Variants in LGALS9B observed in about 807,000 individuals in gnomAD.
LGALS9B encodes galectin 9B, also known as galectin-9B.
A neutral mutation model predicts 35.9 loss-of-function variants in LGALS9B; 8 were observed. The ratio of observed to expected loss-of-function variants is 0.22; its 90% CI spans 0.13 to 0.40. The LOEUF (loss-of-function observed/expected upper bound fraction) is 0.40. Among genes scored for constraint, LGALS9B ranks in the 10% least tolerant of loss-of-function variants. The pLI, the probability that LGALS9B is intolerant of heterozygous loss-of-function variation, is 1.00. For synonymous variants in LGALS9B, 42 were observed against 148.6 expected (o/e 0.28, Z 5.22); for missense variants, 101 against 397.9 (o/e 0.25, Z 6.35).
At chr17:20,451,091 A>G (rs1335850866) in intron 10 of LGALS9B, among the ~76,000 whole-genome samples, 5 of 150,750 alleles carry the variant, frequency 3.3e-5, no homozygotes, top group African/African-American at 4.8e-5. Flanking sequence ...GAAGGACCCT[A>G]TGTGTCTGCT....
Position 20,458,277 on chromosome 17 carries a change from C to T in LGALS9B, c.239G>A (p.Gly80Glu). ...CTTCCTCTCCTCGGGCCCCCATCTTCCTTTCTGCCTCGTGTTGCACACCAC... is the reference window on the plus strand; with the variant it reads ...CTTCCTCTCCTCGGGCCCCCATCTTTCTTTCTGCCTCGTGTTGCACACCAC... The part of the protein sequence containing the change: ...GYVVCNTRQK[G>E]RWGPEERKMH... The change falls in exon 3 of 11, where the codon GGA (glycine) becomes GAA (glutamate). Residue 80 changes from glycine to glutamate, a missense_variant. By Grantham distance (98) the Gly-to-Glu change is moderately conservative (BLOSUM62 -2). Coordinates refer to ENST00000423676, the MANE Select transcript of LGALS9B (RefSeq NM_001367292.2). 7 of 1,614,016 alleles carry T rather than the reference C, an allele frequency of 4.3e-6. No individual in the cohort carries two copies. The highest frequency in any genetic ancestry group is 2.2e-5 in the East Asian group (1 of 44,880).
At chr17:20,464,119 A>G in intron 1 of LGALS9B, among the ~76,000 whole-genome samples, 1 of 115,608 alleles carries the variant, frequency 8.6e-6, no homozygotes, top group Non-Finnish European at 1.7e-5. Flanking sequence ...TTTTTTTGAG[A>G]CAGGATCTCA....
intron 1 of LGALS9B, among the ~76,000 whole-genome samples, chr17:20,460,990 C>T (rs1156535154): frequency 1.3e-5 from 1 of 77,380 alleles, no homozygotes; most frequent in Admixed American, 1.3e-4. Flanking sequence ...TCCCCACCAC[C>T]ACCATATAAC....
At position 20,456,539 on chromosome 17, in the gene LGALS9B, G is replaced by A. The variant is rs1447010751; in HGVS notation, c.444+22C>T. On this transcript the variant is annotated intron_variant, in intron 4 of 10. Coordinates refer to ENST00000423676, the MANE Select transcript of LGALS9B (RefSeq NM_001367292.2). ...GCCCTGCATCCCAGCCCCTGGGACC[G>A]GTGCCAGGTGGACAGTCTGACCTGG... 5.2e-6 allele frequency: 4 copies of A among 768,932 alleles called. 1 individual carries two copies. The highest frequency in any genetic ancestry group is 8.0e-5 in the Admixed American group (2 of 25,102). 47.6% of individuals were successfully genotyped at this position (768,932 alleles called of 1,614,324 possible).
chr17:20,460,259 ATGT>A lies in LGALS9B; in HGVS notation c.131+90_131+92del, dbSNP rs1180613776. On this transcript the variant is annotated intron_variant, in intron 2 of 10. Coordinates refer to ENST00000423676, the MANE Select transcript of LGALS9B (RefSeq NM_001367292.2). ...CCCTGCGCCAGGCACGTGAGCTTGG[ATGT>A]TGTTGTTTGAACTAACCGAGGCTCA... 2.0e-5 allele frequency: 32 copies of A among 1,606,294 alleles called. 1 individual carries two copies. The highest frequency in any genetic ancestry group is 1.7e-4 in the Middle Eastern group (1 of 6,020).
At chr17:20,455,630 A>G (rs1318991238) in intron 4 of LGALS9B, among the ~76,000 whole-genome samples, 8 of 140,896 alleles carry the variant, frequency 5.7e-5, no homozygotes, top group Non-Finnish European at 1.3e-4. Context: ...GGAGAGAGTC[A>G]GGGAAGGAGG....
intron 4 of LGALS9B, 108 bp from the exon 5 acceptor site, chr17:20,455,506 A>AT: frequency 9.3e-7 from 1 of 1,075,562 alleles, no homozygotes; most frequent in Non-Finnish European, 1.3e-6. Context: ...AGGCAGGGGG[A>AT]TGCAGCAAGG....
At chr17:20,453,341 T>TGGGGCATGGTCTTCCGTGGC (rs1206375678) in intron 6 of LGALS9B, 7 of 417,846 alleles carry the variant, frequency 1.7e-5, no homozygotes, top group Non-Finnish European at 3.3e-5. Flanking sequence ...GAAGTGAACG[T>TGGGGCATGGTCTTCCGTGGC]GGGGCATGGT....
At chr17:20,454,399 C>T (rs1021623826) in intron 5 of LGALS9B, among the ~76,000 whole-genome samples, 2 of 150,768 alleles carry the variant, frequency 1.3e-5, no homozygotes, top group Non-Finnish European at 3.0e-5. Flanking sequence ...CTTGCCCTGG[C>T]TGGTATCCCA....
rs376428526 is a variant in LGALS9B, at chr17:20,458,323, G to A, written c.193C>T (p.Arg65Trp). The A allele has an allele frequency of 2.0e-5, 33 of 1,613,322 alleles. No individual in the cohort carries two copies. Among genetic ancestry groups the A allele is most frequent in the East Asian group, 8.9e-5 (4 of 44,830 alleles). ...ACCACATACCCTCCGTCTTCAAACC[G>A]AGGGTTGAAGTGGAAGGCAATGTCG... ...GNDIAFHFNP[R>W]FEDGGYVVCN... The change falls in exon 3 of 11, where the codon CGG becomes TGG. Residue 65 changes from arginine to tryptophan, a missense_variant. Arg to Trp is a moderately radical substitution (Grantham distance 101). Coordinates refer to ENST00000423676, the MANE Select transcript of LGALS9B (RefSeq NM_001367292.2).
chr17:20,460,421 A>G lies in LGALS9B; in HGVS notation c.62T>C (p.Ile21Thr), dbSNP rs372111895. Residue 21 changes from isoleucine to threonine, a missense_variant, in exon 2 of 11, where the codon ATC becomes ACC. Physicochemically the swap from Ile to Thr is moderately conservative, Grantham distance 89 (BLOSUM62 -1). Transcript: ENST00000423676. Reference sequence around the variant, plus strand: ...AAATCCGTCCTGGAGACCCCCTTGGATAGTCCCAGAAAAGGGGACGGCCTG... The same window carrying G: ...AAATCCGTCCTGGAGACCCCCTTGGGTAGTCCCAGAAAAGGGGACGGCCTG... ...LSPAVPFSGT[I>T]QGGLQDGFQI... The G allele has an allele frequency of 3.2e-5, 52 of 1,603,454 alleles. No individual in the cohort carries two copies. The highest frequency in any genetic ancestry group is 4.1e-5 in the Non-Finnish European group (48 of 1,174,072).
intron 1 of LGALS9B, among the ~76,000 whole-genome samples, chr17:20,464,786 G>T (rs986901359): frequency 6.6e-6 from 1 of 151,850 alleles, no homozygotes; most frequent in Admixed American, 6.6e-5. Flanking sequence ...ACCTGCCTGT[G>T]CCCCACTTCC....
chr17:20,449,753 G>A lies in LGALS9B; in HGVS notation c.*220C>T, dbSNP rs1260415934. The A allele has an allele frequency of 2.6e-5, 9 of 346,438 alleles. 2 individuals carry two copies. Among genetic ancestry groups the A allele is most frequent in the South Asian group, 1.3e-4 (5 of 39,948 alleles). The allele number at this position is 346,438 out of a possible 1,614,324, so 21.5% of individuals were successfully genotyped here. On this transcript the variant is annotated 3_prime_UTR_variant, in exon 11 of 11. Transcript: ENST00000423676. ...GGATTGTAGGATTCCAGCAGCTGGCGCCCCAGGTGCTGCTGCGGCTGAGGA... is the reference window on the plus strand; with the variant it reads ...GGATTGTAGGATTCCAGCAGCTGGCACCCCAGGTGCTGCTGCGGCTGAGGA...
At position 20,466,564 on chromosome 17, in the gene LGALS9B, A is replaced by T. The variant is rs371365686; in HGVS notation, c.39+868T>A. 2.5e-3 allele frequency among the ~76,000 whole-genome samples: 369 copies of T among 145,480 alleles called. 1 individual carries two copies. Among genetic ancestry groups the T allele is most frequent in the African/African-American group, 9.4e-3 (356 of 37,976 alleles). On this transcript the variant is annotated intron_variant, in intron 1 of 10. Coordinates refer to ENST00000423676, the MANE Select transcript of LGALS9B (RefSeq NM_001367292.2). ...ATCCTGTGACAGGACCCAGCCCAGG[A>T]CACAGTCACCCCTGAAGGCTCCTGG...
Position 20,449,940 on chromosome 17 carries a change from C to A in LGALS9B, c.*33G>T, listed in dbSNP as rs771831714. ...ATGAGAGGACCCCGACTGCCCCACACCCCAGCCCCCGGCCCCAGGGCCAGG... is the reference window on the plus strand; with the variant it reads ...ATGAGAGGACCCCGACTGCCCCACAACCCAGCCCCCGGCCCCAGGGCCAGG... On this transcript the variant is annotated 3_prime_UTR_variant, in exon 11 of 11. Transcript: ENST00000423676. 1.8e-6 allele frequency: 2 copies of A among 1,131,814 alleles called. 1 individual carries two copies. Among genetic ancestry groups the A allele is most frequent in the Non-Finnish European group, 2.5e-6 (2 of 788,144 alleles). The allele number at this position is 1,131,814 out of a possible 1,614,324, so 70.1% of individuals were successfully genotyped here. A position where few individuals can be genotyped will look rare whatever the true frequency, so the allele number is the denominator to read the frequency against.
At chr17:20,461,415 C>T (rs1383028711) in intron 1 of LGALS9B, among the ~76,000 whole-genome samples, 1 of 152,124 alleles carries the variant, frequency 6.6e-6, no homozygotes, top group Non-Finnish European at 1.5e-5. Context: ...ACCTTGGTCT[C>T]TCTGAGCAAA....
At chr17:20,459,011 G>A (rs1249736539) in intron 2 of LGALS9B, among the ~76,000 whole-genome samples, 2 of 152,002 alleles carry the variant, frequency 1.3e-5, no homozygotes, top group Non-Finnish European at 2.9e-5. Flanking sequence ...CAGCTGCTCT[G>A]GGGGATGAGA....
chr17:20,461,265 C>T (rs1294559103), intron 1 of LGALS9B, among the ~76,000 whole-genome samples: 2 of 150,440 alleles, frequency 1.3e-5, no homozygotes, highest in African/African-American at 4.9e-5. Flanking sequence ...GCCTATTTCA[C>T]CTCTCTTTGC....
At chr17:20,460,295 A>G (rs2042717223) in intron 2 of LGALS9B, 57 bp downstream of exon 2, 1 of 1,610,480 alleles carries the variant, frequency 6.2e-7, no homozygotes, top group Non-Finnish European at 8.5e-7. Flanking sequence ...TCACAGGCAC[A>G]GTGGCTTTAC....
Sources: allele counts gnomAD v4.1 joint callset (sites outside exome capture counted in the v4.1 genomes callset), GRCh38; gene constraint gnomAD v4.1.1; transcripts MANE v1.5; gene names NCBI Gene and HGNC (gene_info 2026-07-23, HGNC 2026-07-21).